Variants in TSHR observed in about 807,000 individuals in gnomAD.
TSHR encodes the protein thyrotropin receptor.
In TSHR, 51 loss-of-function variants were observed where a neutral mutation model predicts 64.1. The ratio of observed to expected loss-of-function variants is 0.80; its 90% confidence interval spans 0.64 to 1.01. The LOEUF (loss-of-function observed/expected upper bound fraction) is 1.01, where lower values mean the gene tolerates loss of function less well. Among genes scored for constraint, TSHR ranks in the 50% least tolerant of loss-of-function variants. The pLI is 0.00. For synonymous variants in TSHR, 361 were observed against 361.9 expected (o/e 1.00, Z 0.03); for missense variants, 877 against 942.8 (o/e 0.93, Z 0.91).
At chr14:80,970,559 C>T (rs1179611299) in intron 1 of TSHR, among the ~76,000 whole-genome samples, 2 of 152,208 alleles carry the variant, frequency 1.3e-5, no homozygotes, top group African/African-American at 4.8e-5. Context: ...ACAGAATATC[C>T]TTGTCCAGGA....
intron 4 of TSHR, among the ~76,000 whole-genome samples, chr14:81,089,853 G>T (rs879068832): frequency 6.6e-6 from 1 of 152,062 alleles, no homozygotes; most frequent in Admixed American, 6.6e-5. Flanking sequence ...TATCTGGAAT[G>T]TCCCTCCCAT....
At chr14:80,989,493 A>ACTATT (rs1888624041) in intron 1 of TSHR, among the ~76,000 whole-genome samples, 1 of 152,048 alleles carries the variant, frequency 6.6e-6, no homozygotes, top group Non-Finnish European at 1.5e-5. Flanking sequence ...ACCAAACTGA[A>ACTATT]CTATTCACAG....
At chr14:81,092,900 A>G (rs1888870134) in intron 6 of TSHR, among the ~76,000 whole-genome samples, 1 of 152,180 alleles carries the variant, frequency 6.6e-6, no homozygotes, top group Non-Finnish European at 1.5e-5. Flanking sequence ...GAACTGGTCA[A>G]CTCTGGCATT....
chr14:81,102,742 G>A (rs1240609715), intron 7 of TSHR: 2 of 967,584 alleles, frequency 2.1e-6, no homozygotes, highest in Non-Finnish European at 2.5e-6. Context: ...TGACTGGAGG[G>A]TCATAGTTTG....
intron 1 of TSHR, among the ~76,000 whole-genome samples, chr14:81,045,290 A>G (rs1413498494): frequency 4.6e-5 from 7 of 152,322 alleles, no homozygotes; most frequent in Admixed American, 2.0e-4. Flanking sequence ...CCACCTCTTC[A>G]ATTTTTAGAA....
chr14:81,098,503 G>C (rs1889361688), intron 7 of TSHR, among the ~76,000 whole-genome samples: 1 of 152,086 alleles, frequency 6.6e-6, no homozygotes, highest in African/African-American at 2.4e-5. Flanking sequence ...ACTATTCCTA[G>C]AAAGCTATGA....
At chr14:81,016,743 C>T (rs1289349453) in intron 1 of TSHR, among the ~76,000 whole-genome samples, 2 of 152,064 alleles carry the variant, frequency 1.3e-5, no homozygotes, top group African/African-American at 2.4e-5. Context: ...AGAGGTTTTC[C>T]TTTCTGTTTT....
chr14:81,021,176 A>G (rs1883728227), intron 1 of TSHR, among the ~76,000 whole-genome samples: 1 of 152,140 alleles, frequency 6.6e-6, no homozygotes, highest in Admixed American at 6.5e-5. Flanking sequence ...CTGCCAGTCT[A>G]TGGAAAAATT....
intron 1 of TSHR, among the ~76,000 whole-genome samples, chr14:80,999,012 T>G (rs1461296224): frequency 6.6e-6 from 1 of 152,206 alleles, no homozygotes; most frequent in Admixed American, 6.5e-5. Flanking sequence ...AGCATCAACT[T>G]GCATTTTCTC....
chr14:81,050,068 A>G (rs1328010420), intron 1 of TSHR: 1 of 152,250 alleles, frequency 6.6e-6, no homozygotes, highest in African/African-American at 2.4e-5. Flanking sequence ...AACAAATGAA[A>G]TCAAGTAAAT....
At chr14:81,108,690 A>G (rs370536983) in intron 8 of TSHR, 16 of 1,613,922 alleles carry the variant, frequency 9.9e-6, no homozygotes, top group Non-Finnish European at 1.4e-5. Flanking sequence ...GATGCCTGCT[A>G]AGGCAGCCAC....
At chr14:80,978,645 A>C (rs1888014867) in intron 1 of TSHR, among the ~76,000 whole-genome samples, 1 of 152,186 alleles carries the variant, frequency 6.6e-6, no homozygotes, top group Non-Finnish European at 1.5e-5. Context: ...CTTGGTTAAA[A>C]CACTGTGACA....
At chr14:80,982,534 G>T (rs1594915606) in intron 1 of TSHR, 1 of 1,010,598 alleles carries the variant, frequency 9.9e-7, no homozygotes, top group Non-Finnish European at 1.4e-6. Context: ...GGAAGGAGAT[G>T]ATGCTAGTTT....
At chr14:80,981,947 C>G (rs1888194061) in intron 1 of TSHR, 1 of 287,632 alleles carries the variant, frequency 3.5e-6, no homozygotes, top group Non-Finnish European at 7.3e-6. Flanking sequence ...CCTTGAGAAC[C>G]AAGGACAAGA....
chr14:81,016,060 A>G (rs1202215630), intron 1 of TSHR, among the ~76,000 whole-genome samples: 1 of 152,178 alleles, frequency 6.6e-6, no homozygotes, highest in Admixed American at 6.6e-5. Flanking sequence ...AATCTTGACT[A>G]TTGTGAATAA....
chr14:81,083,856 C>G (rs1477993285), intron 3 of TSHR, among the ~76,000 whole-genome samples: 2 of 152,124 alleles, frequency 1.3e-5, no homozygotes, highest in Non-Finnish European at 2.9e-5. Context: ...GAAGGGGAAG[C>G]AAACAGGTTC....
intron 1 of TSHR, among the ~76,000 whole-genome samples, chr14:80,972,225 C>T (rs1415623114): frequency 2.0e-5 from 3 of 152,134 alleles, no homozygotes; most frequent in African/African-American, 7.2e-5. Context: ...TTAGCTATAA[C>T]ATAAATTCCA....
At chr14:81,084,461 A>T (rs1888138158) in intron 3 of TSHR, among the ~76,000 whole-genome samples, 1 of 152,124 alleles carries the variant, frequency 6.6e-6, no homozygotes, top group South Asian at 2.1e-4. Flanking sequence ...ATATTTTTGG[A>T]ATTTTATTTA....
Position 81,143,238 on chromosome 14 carries a change from G to A in TSHR, c.1180G>A (p.Glu394Lys), listed in dbSNP as rs2140110153. 1 of 1,614,214 alleles carries A rather than the reference G, an allele frequency of 6.2e-7. No individual in the cohort carries two copies. Among genetic ancestry groups the A allele is most frequent in the East Asian group, 2.2e-5 (1 of 44,878 alleles). ...TGACTACACCATATGTGGGGACAGT[G>A]AAGACATGGTGTGTACCCCCAAGTC... The part of the protein sequence containing the change: ...HYDYTICGDS[E>K]DMVCTPKSDE... Residue 394 changes from glutamate to lysine, a missense_variant, in exon 10 of 10, where the codon GAA becomes AAA. Physicochemically the swap from Glu to Lys is moderately conservative, Grantham distance 56. Coordinates refer to ENST00000298171, the MANE Select transcript of TSHR (RefSeq NM_000369.5).
Sources: gnomAD v4.1 joint callset for allele counts (sites outside exome capture counted in the v4.1 genomes callset) on GRCh38, gnomAD v4.1.1 for gene constraint, MANE v1.5 for transcripts, NCBI Gene and HGNC (gene_info 2026-07-23, HGNC 2026-07-21) for gene names.